Variants in MSI1 observed in about 807,000 individuals in gnomAD.
MSI1 encodes RNA-binding protein Musashi homolog 1.
MSI1 carries 15 observed loss-of-function variants against 54.4 expected under a neutral mutation model. The ratio of observed to expected loss-of-function variants is 0.28; its 90% CI spans 0.18 to 0.42. The LOEUF is 0.42. Among genes scored for constraint, MSI1 ranks in the 20% least tolerant of loss-of-function variants. MSI1 has a pLI of 1.00. For missense variants in MSI1, 304 were observed against 506.0 expected (o/e 0.60, Z 3.83); for synonymous variants, 200 against 196.5 (o/e 1.02, Z -0.15).
intron 4 of MSI1, among the ~76,000 whole-genome samples, chr12:120,366,826 C>T (rs1296394257): frequency 6.6e-6 from 1 of 152,100 alleles, no homozygotes; most frequent in African/African-American, 2.4e-5. Context: ...ATCAATCTTC[C>T]ACTCCTCCAT....
Position 120,345,777 on chromosome 12 carries a change from C to T in MSI1, c.1048-145G>A. The T allele has an allele frequency of 5.3e-6, 5 of 942,834 alleles. No homozygotes were observed. In the South Asian group the frequency reaches 5.8e-5, roughly 11 times the overall value. 58.4% of individuals were successfully genotyped at this position (942,834 alleles called of 1,614,324 possible). On this transcript the variant is annotated intron_variant, in intron 13 of 14. Coordinates refer to ENST00000257552, the MANE Select transcript of MSI1 (RefSeq NM_002442.4). ...CCCCCCTACTGCAGGTCTGCCTACC[C>T]GGATCACCCCCCACTGCAGGTCTGC...
intron 9 of MSI1, among the ~76,000 whole-genome samples, chr12:120,354,118 G>A (rs1349714056): frequency 1.3e-5 from 2 of 151,990 alleles, no homozygotes; most frequent in Non-Finnish European, 2.9e-5. Flanking sequence ...CCTAGTAGCT[G>A]TGACTACAAG....
rs952661109 is a variant in MSI1 at position 120,353,904 on chromosome 12, T to G, written c.653-525A>C. Among the ~76,000 whole-genome samples, 254 of 152,190 alleles carry G rather than the reference T, an allele frequency of 1.7e-3. 2 individuals are homozygous for G. Among genetic ancestry groups the G allele is most frequent in the African/African-American group, 5.9e-3 (245 of 41,446 alleles). On this transcript the variant is annotated intron_variant, in intron 9 of 14. Transcript: ENST00000257552. Reference sequence around the variant, plus strand: ...CTTCCCATAGGTGTCCTCCTTCCCATCAGCTACAATTTCTATCATGTCACC... The same window carrying G: ...CTTCCCATAGGTGTCCTCCTTCCCAGCAGCTACAATTTCTATCATGTCACC...
At chr12:120,367,977 A>G (rs771638954) in intron 4 of MSI1, 31 bp downstream of exon 4, 1 of 1,587,724 alleles carries the variant, frequency 6.3e-7, no homozygotes, top group Non-Finnish European at 8.6e-7. Context: ...CCCTCTCCCA[A>G]AGGACCCCCG....
intron 6 of MSI1, among the ~76,000 whole-genome samples, chr12:120,359,898 TA>T (rs922595371): frequency 3.3e-5 from 5 of 151,300 alleles, no homozygotes; most frequent in African/African-American, 4.9e-5. Context: ...TCCAAAGGAT[TA>T]AAAAAAAACT....
rs375034852 is a variant in MSI1 at position 120,353,326 on chromosome 12, C to T, written c.706G>A (p.Ala236Thr). 25 of 1,613,844 alleles carry T rather than the reference C, an allele frequency of 1.5e-5. No individual in the cohort carries two copies. Among genetic ancestry groups the T allele is most frequent in the Non-Finnish European group, 1.9e-5 (22 of 1,179,986 alleles). ...TYASRSYTGL[A>T]PGYTYQFPEF... is the part of the protein sequence containing the mutation. Reference sequence around the variant, plus strand: ...GGGAACTGGTAGGTGTAGCCAGGGGCGAGGCCTGTATAACTCCGGCTGGCG... The same window carrying T: ...GGGAACTGGTAGGTGTAGCCAGGGGTGAGGCCTGTATAACTCCGGCTGGCG... The change falls in exon 10 of 15, where the codon GCC (alanine) becomes ACC (threonine). Residue 236 changes from alanine to threonine, a missense_variant. Ala to Thr is a moderately conservative substitution (Grantham distance 58, BLOSUM62 0). Coordinates refer to ENST00000257552, the MANE Select transcript of MSI1 (RefSeq NM_002442.4).
chr12:120,358,862 C>T lies in MSI1; in HGVS notation c.451+143G>A, dbSNP rs1875379183. 5 of 952,178 alleles carry T rather than the reference C, an allele frequency of 5.3e-6. No individual in the cohort carries two copies. The Admixed American group carries it at 6.7e-5, about 13-fold the overall frequency. 59.0% of individuals were successfully genotyped at this position (952,178 alleles called of 1,614,324 possible). ...AGCACAGGAAATGGTGGGACAAAAG[C>T]CTTCTGTAAGGCCAGGCCTGGGAGA... On this transcript the variant is annotated intron_variant, in intron 7 of 14. Coordinates refer to ENST00000257552, the MANE Select transcript of MSI1 (RefSeq NM_002442.4).
intron 4 of MSI1, among the ~76,000 whole-genome samples, chr12:120,366,414 C>A (rs1377989022): frequency 6.6e-6 from 1 of 152,136 alleles, no homozygotes; most frequent in Non-Finnish European, 1.5e-5. Flanking sequence ...CTGCCCATTT[C>A]TCCCGCCTGA....
chr12:120,361,151 C>T (rs1462347405), intron 6 of MSI1, among the ~76,000 whole-genome samples: 1 of 152,130 alleles, frequency 6.6e-6, no homozygotes, highest in Non-Finnish European at 1.5e-5. Context: ...ATGAGGACAT[C>T]GTCTGTGTCA....
chr12:120,340,086 TA>T (rs1873615656), downstream of MSI1, among the ~76,000 whole-genome samples: 1 of 128,146 alleles, frequency 7.8e-6, no homozygotes, highest in Admixed American at 9.2e-5. Context: ...CCAGCCAAAA[TA>T]GCTTTTTTTT....
intron 9 of MSI1, 64 bp from the exon 10 acceptor site, chr12:120,353,443 G>T: frequency 6.9e-7 from 1 of 1,449,542 alleles, no homozygotes; most frequent in Non-Finnish European, 9.7e-7. Flanking sequence ...TCATGGAGAA[G>T]GACCTGAGCC....
downstream of MSI1, among the ~76,000 whole-genome samples, chr12:120,339,697 T>G (rs1432903415): frequency 6.6e-6 from 1 of 151,896 alleles, no homozygotes; most frequent in Non-Finnish European, 1.5e-5. Context: ...ACCCCCAACC[T>G]GTACTGGAAG....
chr12:120,351,186 G>C (rs1215575810), intron 11 of MSI1, among the ~76,000 whole-genome samples, 158 bp downstream of exon 11: 2 of 152,054 alleles, frequency 1.3e-5, no homozygotes, highest in Admixed American at 1.3e-4. Flanking sequence ...TAGCCGCCCA[G>C]ACTGGCCAGT....
intron 14 of MSI1, 86 bp downstream of exon 14, chr12:120,345,484 G>T: frequency 8.2e-7 from 1 of 1,214,764 alleles, no homozygotes; most frequent in Non-Finnish European, 1.2e-6. Context: ...CTTGAGGGCA[G>T]GGATGGGGTC....
chr12:120,340,047 G>C (rs554885792), downstream of MSI1, among the ~76,000 whole-genome samples: 57 of 150,532 alleles, frequency 3.8e-4, no homozygotes, highest in African/African-American at 1.3e-3. Context: ...CTCCCAAAGT[G>C]TTTCGATTAC....
chr12:120,353,212 A>T, intron 10 of MSI1, 87 bp downstream of exon 10: 1 of 1,304,496 alleles, frequency 7.7e-7, no homozygotes, highest in Non-Finnish European at 1.1e-6. Flanking sequence ...ACCCCCAGCC[A>T]TGCACCCCTA....
At chr12:120,357,580 A>G (rs529749500) in intron 8 of MSI1, among the ~76,000 whole-genome samples, 1 of 152,182 alleles carries the variant, frequency 6.6e-6, no homozygotes, top group Non-Finnish European at 1.5e-5. Context: ...ATCTCAGCTC[A>G]CTGCAACCTC....
At chr12:120,345,724 G>A (rs1076205) in intron 13 of MSI1, 92 bp from the exon 14 acceptor site, 972,509 of 1,484,730 alleles carry the variant, frequency 0.66, 320,370 homozygotes, top group South Asian at 0.71. Flanking sequence ...GAAGTGAGGC[G>A]CTGACCTCTC....
Position 120,363,085 on chromosome 12 carries a change from G to A in MSI1, c.360C>T (p.Thr120=), listed in dbSNP as rs757503903. ...AATATTGCTTCACGTCCTCCACCGT[G>A]GTGTTCACCGACAGCCCCCCCACAA... ...KIFVGGLSVN[T]TVEDVKQYFE... The change falls in exon 6 of 15, where the codon ACC becomes ACT. Residue 120 remains threonine, a synonymous_variant. Transcript: ENST00000257552. The A allele has an allele frequency of 6.2e-7, 1 of 1,614,062 alleles. No homozygotes were observed. Among genetic ancestry groups the A allele is most frequent in the Non-Finnish European group, 8.5e-7 (1 of 1,180,004 alleles).
Sources: gnomAD v4.1 joint callset for allele counts (sites outside exome capture counted in the v4.1 genomes callset) on GRCh38, gnomAD v4.1.1 for gene constraint, MANE v1.5 for transcripts, NCBI Gene and HGNC (gene_info 2026-07-23, HGNC 2026-07-21) for gene names.